MSH3: variants seen among roughly 807,000 people sequenced by gnomAD.
MSH3 encodes the protein DNA mismatch repair protein Msh3.
MSH3 carries 106 observed loss-of-function variants against 123.3 expected under a neutral mutation model. That is an observed-to-expected ratio of 0.86 (90% CI 0.73 to 1.01). The LOEUF (loss-of-function observed/expected upper bound fraction) is 1.01, where lower values mean the gene tolerates loss of function less well. MSH3 is among the 50% of genes least tolerant of loss of function. MSH3 has a pLI of 0.00. For missense variants in MSH3, 1,459 were observed against 1,347.6 expected (o/e 1.08, Z -1.29); for synonymous variants, 515 against 481.4 (o/e 1.07, Z -0.91).
intron 20 of MSH3, among the ~76,000 whole-genome samples, chr5:80,839,701 G>T (rs1745583040): frequency 6.6e-6 from 1 of 152,202 alleles, no homozygotes; most frequent in Non-Finnish European, 1.5e-5. Flanking sequence ...CTCTAAACAT[G>T]TTGATAGCCT....
intron 18 of MSH3, among the ~76,000 whole-genome samples, chr5:80,789,879 A>G (rs1744579102): frequency 6.6e-6 from 1 of 152,220 alleles, no homozygotes; most frequent in South Asian, 2.1e-4. Context: ...ATCACCAAGA[A>G]ACTGATGAAA....
At chr5:80,833,186 A>T (rs952128934) in intron 20 of MSH3, among the ~76,000 whole-genome samples, 11 of 152,112 alleles carry the variant, frequency 7.2e-5, no homozygotes, top group Non-Finnish European at 1.6e-4. Flanking sequence ...ACTCCTAAAA[A>T]TATCAGAGTG....
intron 18 of MSH3, among the ~76,000 whole-genome samples, chr5:80,788,732 G>T (rs978071874): frequency 4.0e-5 from 6 of 151,010 alleles, no homozygotes; most frequent in African/African-American, 1.5e-4. Context: ...GAGCTCAGAA[G>T]TTTGAGGCTG....
At chr5:80,689,714 TC>T (rs1486984760) in intron 8 of MSH3, among the ~76,000 whole-genome samples, 13 of 151,348 alleles carry the variant, frequency 8.6e-5, no homozygotes, top group Non-Finnish European at 1.9e-4. Flanking sequence ...AAGACCGAGT[TC>T]TTTTTTTTTT....
intron 19 of MSH3, among the ~76,000 whole-genome samples, chr5:80,805,642 T>C (rs533094735): frequency 7.9e-6 from 1 of 127,188 alleles, no homozygotes; most frequent in South Asian, 2.9e-4. Flanking sequence ...TTGCCCAGGC[T>C]GGAGTACAGT....
chr5:80,720,579 T>G (rs1434374556), intron 8 of MSH3, among the ~76,000 whole-genome samples: 3 of 152,184 alleles, frequency 2.0e-5, no homozygotes, highest in African/African-American at 7.2e-5. Context: ...AATTCCTGAG[T>G]TCTGCCCGTT....
Position 80,768,992 on chromosome 5 carries a change from T to A in MSH3, c.2242T>A (p.Ser748Thr), listed in dbSNP as rs2112885326. 1 of 1,612,722 alleles carries A rather than the reference T, an allele frequency of 6.2e-7. No homozygotes were observed. The highest frequency in any genetic ancestry group is 8.5e-7 in the Non-Finnish European group (1 of 1,179,086). ...TCCTTCTGCACAATATGTGACAGTATCAGGACAGGAGGTAATGTCAAGCTT... is the reference window on the plus strand; with the variant it reads ...TCCTTCTGCACAATATGTGACAGTAACAGGACAGGAGGTAATGTCAAGCTT... ...KNPSAQYVTV[S>T]GQEFMIEIKN... Residue 748 changes from serine to threonine, a missense_variant, in exon 15 of 24, where the codon TCA becomes ACA. Physicochemically the swap from Ser to Thr is moderately conservative, Grantham distance 58. Transcript: ENST00000265081.
chr5:80,744,139 G>A (rs1743671256), intron 11 of MSH3, among the ~76,000 whole-genome samples: 2 of 152,092 alleles, frequency 1.3e-5, no homozygotes, highest in East Asian at 1.9e-4. Flanking sequence ...GAGAGCATTG[G>A]TTTATAAAAT....
In MSH3 at chr5:80,726,394, C is replaced by A. The variant is rs564514517; in HGVS notation, c.1453+829C>A. On this transcript the variant is annotated intron_variant, in intron 9 of 23. Coordinates refer to ENST00000265081, the MANE Select transcript of MSH3 (RefSeq NM_002439.5). ...TAGTTAGCATTTCCTTGCATCTAGG[C>A]ATCAGTGTCTTGTTAGCATGTCTCT... 2.2e-4 allele frequency among the ~76,000 whole-genome samples: 33 copies of A among 152,304 alleles called. No homozygotes were observed. In the South Asian group the frequency reaches 5.4e-3, roughly 25 times the overall value.
At chr5:80,852,688 A>G (rs1256495437) in intron 20 of MSH3, among the ~76,000 whole-genome samples, 1 of 152,190 alleles carries the variant, frequency 6.6e-6, no homozygotes, top group Admixed American at 6.5e-5. Flanking sequence ...GAAATTATAC[A>G]ATTTCTCAAT....
intron 3 of MSH3, among the ~76,000 whole-genome samples, chr5:80,665,735 A>G (rs957972153): frequency 6.6e-6 from 1 of 152,164 alleles, no homozygotes; most frequent in African/African-American, 2.4e-5. Context: ...GGCAACTTAG[A>G]TATTTTGAGG....
intron 21 of MSH3, among the ~76,000 whole-genome samples, chr5:80,859,298 C>T (rs1431246411): frequency 6.6e-6 from 1 of 151,838 alleles, no homozygotes; most frequent in East Asian, 1.9e-4. Flanking sequence ...TTTTTGTATT[C>T]TTTTTAAATT....
chr5:80,762,981 G>A (rs1251054178), intron 13 of MSH3, among the ~76,000 whole-genome samples: 1 of 151,666 alleles, frequency 6.6e-6, no homozygotes, highest in Non-Finnish European at 1.5e-5. Flanking sequence ...TGAGTAGCTG[G>A]GGTTACAGGC....
At chr5:80,812,584 C>CT (rs11415035) in intron 19 of MSH3, among the ~76,000 whole-genome samples, 43,725 of 123,524 alleles carry the variant, frequency 0.35, 8,803 homozygotes, top group South Asian at 0.58. Flanking sequence ...CTGGTTCTGG[C>CT]TTTTTTTTTT....
intron 20 of MSH3, among the ~76,000 whole-genome samples, chr5:80,844,484 A>G (rs1228719034): frequency 6.6e-6 from 1 of 152,062 alleles, no homozygotes; most frequent in East Asian, 1.9e-4. Flanking sequence ...GATCTGTCTA[A>G]TATTGATAGT....
intron 19 of MSH3, among the ~76,000 whole-genome samples, chr5:80,799,888 A>G (rs543641525): frequency 6.6e-6 from 1 of 152,312 alleles, no homozygotes; most frequent in South Asian, 2.1e-4. Flanking sequence ...GTAAGAACTA[A>G]ATGAAGTGAT....
rs888955838 is a variant in MSH3, at chr5:80,768,051, T to C, written c.2015T>C (p.Ile672Thr). The C allele has an allele frequency of 6.2e-7, 1 of 1,613,848 alleles. No individual in the cohort carries two copies. The highest frequency in any genetic ancestry group is 8.5e-7 in the Non-Finnish European group (1 of 1,179,800). ...HIQSDLLRTV[I>T]LEIPELLSPV... ...CAGTCAGACTTGCTCCGGACCGTTATTTTAGAAATTCCTGAACTCCTCAGT... is the reference window on the plus strand; with the variant it reads ...CAGTCAGACTTGCTCCGGACCGTTACTTTAGAAATTCCTGAACTCCTCAGT... The change falls in exon 14 of 24, where the codon ATT (isoleucine) becomes ACT (threonine). Residue 672 changes from isoleucine (I) to threonine (T), a missense_variant. Ile to Thr is a moderately conservative substitution (Grantham distance 89). Coordinates refer to ENST00000265081, the MANE Select transcript of MSH3 (RefSeq NM_002439.5).
chr5:80,847,844 C>T (rs189160331), intron 20 of MSH3, among the ~76,000 whole-genome samples: 9 of 152,332 alleles, frequency 5.9e-5, no homozygotes, highest in Non-Finnish European at 1.0e-4. Context: ...ACATGGTCTC[C>T]GTGTTTTAAA....
intron 18 of MSH3, among the ~76,000 whole-genome samples, chr5:80,789,870 T>C (rs1744578941): frequency 6.6e-6 from 1 of 152,078 alleles, no homozygotes; most frequent in Admixed American, 6.6e-5. Context: ...GACCAATGAA[T>C]CACCAAGAAA....
Sources: allele counts gnomAD v4.1 joint callset (sites outside exome capture counted in the v4.1 genomes callset), GRCh38; gene constraint gnomAD v4.1.1; transcripts MANE v1.5; gene names NCBI Gene and HGNC (gene_info 2026-07-23, HGNC 2026-07-21).